The following WDR37 variants were observed in gnomAD, a reference collection of about 807,000 sequenced individuals.
WDR37 encodes the protein WD repeat domain 37.
In WDR37, 19 loss-of-function variants were observed where a neutral mutation model predicts 62.9. The ratio of observed to expected loss-of-function variants is 0.30; its 90% CI spans 0.21 to 0.44. The LOEUF (loss-of-function observed/expected upper bound fraction) is 0.44, where lower values mean the gene tolerates loss of function less well. Ranked by LOEUF, WDR37 falls within the 20% of genes least tolerant of loss-of-function variation. The pLI, the probability that WDR37 is intolerant of heterozygous loss-of-function variation, is 1.00. For missense variants in WDR37, 474 were observed against 657.6 expected (o/e 0.72, Z 3.05); for synonymous variants, 250 against 260.9 (o/e 0.96, Z 0.40).
intron 9 of WDR37, among the ~76,000 whole-genome samples, chr10:1,099,490 C>T (rs1407514197): frequency 6.6e-6 from 1 of 152,218 alleles, no homozygotes; most frequent in Non-Finnish European, 1.5e-5. Context: ...GATAGTTAAG[C>T]AGTTAATAAA....
intron 9 of WDR37, among the ~76,000 whole-genome samples, chr10:1,097,102 C>T (rs1418599301): frequency 6.6e-6 from 1 of 152,152 alleles, no homozygotes; most frequent in Non-Finnish European, 1.5e-5. Context: ...CTGCTCTCCT[C>T]GCTTACAATA....
rs941689105 is a variant in WDR37, at chr10:1,129,291, C to T, written c.1432C>T (p.Arg478Trp). 1.2e-6 allele frequency: 2 copies of T among 1,614,018 alleles called. No homozygotes were observed. Among genetic ancestry groups the T allele is most frequent in the African/African-American group, 1.3e-5 (1 of 74,908 alleles). Residue 478 changes from arginine (R) to tryptophan (W), a missense_variant, in exon 14 of 14, where the codon CGG becomes TGG. Transcript: ENST00000263150. The part of the protein sequence containing the change: ...VCNLFTCGFD[R>W]QAIGWNINIP... Reference sequence around the variant, plus strand: ...CAATCTGTTCACCTGTGGGTTTGACCGGCAAGCCATTGGTTGGAACATCAA... The same window carrying T: ...CAATCTGTTCACCTGTGGGTTTGACTGGCAAGCCATTGGTTGGAACATCAA...
chr10:1,095,162 A>G (rs10903367), intron 8 of WDR37, among the ~76,000 whole-genome samples: 82,093 of 142,324 alleles, frequency 0.58, 24,013 homozygotes, highest in African/African-American at 0.71. Flanking sequence ...GAGGTAATGA[A>G]CATGGAGAGG....
chr10:1,107,458 C>T (rs1012681217), intron 11 of WDR37, among the ~76,000 whole-genome samples: 1 of 152,260 alleles, frequency 6.6e-6, no homozygotes, highest in Admixed American at 6.5e-5. Flanking sequence ...AGTTTCAAGC[C>T]TACATAAAAA....
chr10:1,083,060 C>A (rs771079754), intron 5 of WDR37, among the ~76,000 whole-genome samples: 1 of 152,032 alleles, frequency 6.6e-6, no homozygotes, highest in African/African-American at 2.4e-5. Flanking sequence ...AATTTACCAC[C>A]GCTTATTATG....
chr10:1,094,992 G>A lies in WDR37; in HGVS notation c.650-1178G>A, dbSNP rs558713251. Among the ~76,000 whole-genome samples, 3 of 151,230 alleles carry A rather than the reference G, an allele frequency of 2.0e-5. No homozygotes were observed. The South Asian group carries it at 6.3e-4, about 32-fold the overall frequency. On this transcript the variant is annotated intron_variant, in intron 8 of 13. Coordinates refer to ENST00000263150, the MANE Select transcript of WDR37 (RefSeq NM_014023.4). ...GTTAGACTGAGAAACGTGAGGTGATGGGGATAGCGAGGAGGGTTAGACTGG... is the reference window on the plus strand; with the variant it reads ...GTTAGACTGAGAAACGTGAGGTGATAGGGATAGCGAGGAGGGTTAGACTGG...
intron 1 of WDR37, among the ~76,000 whole-genome samples, chr10:1,063,742 A>G (rs1249886494): frequency 6.6e-6 from 1 of 152,176 alleles, no homozygotes; most frequent in African/African-American, 2.4e-5. Context: ...GCACGGAGGC[A>G]GCCCTGATTC....
chr10:1,106,807 G>A (rs1220935964), intron 11 of WDR37, among the ~76,000 whole-genome samples: 2 of 152,198 alleles, frequency 1.3e-5, no homozygotes, highest in Non-Finnish European at 2.9e-5. Flanking sequence ...GTGAGCCATC[G>A]CGTCTGGCCA....
intron 9 of WDR37, 175 bp downstream of exon 9, chr10:1,096,421 G>T: frequency 1.5e-6 from 1 of 657,424 alleles, no homozygotes; most frequent in Non-Finnish European, 2.7e-6. Context: ...AGTAGTTAAG[G>T]TTCAGTGAGG....
chr10:1,075,279 T>C (rs1833840939), intron 2 of WDR37, among the ~76,000 whole-genome samples: 1 of 116,002 alleles, frequency 8.6e-6, no homozygotes, highest in Non-Finnish European at 2.0e-5. Flanking sequence ...ATTCCTTTTT[T>C]TTTTTTTTTT....
intron 11 of WDR37, among the ~76,000 whole-genome samples, chr10:1,106,017 C>T (rs1020883739): frequency 2.0e-5 from 3 of 152,100 alleles, no homozygotes; most frequent in Middle Eastern, 3.2e-3. Context: ...GATCTCCTGA[C>T]GTCGTGATCC....
intron 1 of WDR37, among the ~76,000 whole-genome samples, chr10:1,066,391 T>C (rs147699882): frequency 3.4e-3 from 523 of 152,326 alleles, no homozygotes; most frequent in Middle Eastern, 0.01. Flanking sequence ...GCTGGGATTA[T>C]AGGCGTGAGC....
intron 11 of WDR37, among the ~76,000 whole-genome samples, chr10:1,112,065 T>G (rs1414925787): frequency 1.3e-5 from 2 of 152,150 alleles, no homozygotes; most frequent in African/African-American, 4.8e-5. Flanking sequence ...TGGTGGCTAT[T>G]TCTTACACCT....
chr10:1,110,854 A>C (rs1029694158), intron 11 of WDR37, among the ~76,000 whole-genome samples: 5 of 152,216 alleles, frequency 3.3e-5, no homozygotes, highest in African/African-American at 7.2e-5. Flanking sequence ...AGGGCCTGGC[A>C]CCCTGATAGG....
At chr10:1,118,623 C>T (rs934395565) in intron 11 of WDR37, among the ~76,000 whole-genome samples, 3 of 152,214 alleles carry the variant, frequency 2.0e-5, no homozygotes, top group Non-Finnish European at 1.5e-5. Flanking sequence ...TTCTGGTGCT[C>T]AGCAGCAGAG....
intron 2 of WDR37, among the ~76,000 whole-genome samples, chr10:1,074,882 C>T (rs768154661): frequency 2.6e-5 from 4 of 152,244 alleles, no homozygotes; most frequent in Non-Finnish European, 5.9e-5. Flanking sequence ...CTGTCGTTGC[C>T]GAGAACTGCG....
At chr10:1,071,996 T>C (rs1318497650) in intron 1 of WDR37, 120 bp from the exon 2 acceptor site, 6 of 670,972 alleles carry the variant, frequency 8.9e-6, no homozygotes, top group Non-Finnish European at 1.4e-5. Context: ...CCAAATTATA[T>C]AGTTAATGTT....
intron 13 of WDR37, among the ~76,000 whole-genome samples, chr10:1,126,286 G>T (rs372155782): frequency 3.3e-5 from 5 of 151,826 alleles, no homozygotes; most frequent in Non-Finnish European, 5.9e-5. Context: ...GGCGTCTGTA[G>T]TCCCAGCTAC....
chr10:1,081,765 AT>A (rs1834037562), intron 5 of WDR37, among the ~76,000 whole-genome samples: 1 of 151,854 alleles, frequency 6.6e-6, no homozygotes, highest in Admixed American at 6.6e-5. Context: ...TCCTCATTTA[AT>A]TTCTTTTTAC....
Sources: gnomAD v4.1 joint callset for allele counts (sites outside exome capture counted in the v4.1 genomes callset) on GRCh38, gnomAD v4.1.1 for gene constraint, MANE v1.5 for transcripts, NCBI Gene and HGNC (gene_info 2026-07-23, HGNC 2026-07-21) for gene names.